The following ZNF638 variants were observed in gnomAD, a reference collection of about 807,000 sequenced individuals.
The protein encoded by ZNF638 is CTCL tumor antigen se33-1.
In ZNF638, 46 loss-of-function variants were observed where a neutral mutation model predicts 195.6. The observed-to-expected ratio is 0.24, with a 90% confidence interval of 0.19 to 0.30. The LOEUF (loss-of-function observed/expected upper bound fraction) is 0.30, where lower values mean the gene tolerates loss of function less well. Among genes scored for constraint, ZNF638 ranks in the 10% least tolerant of loss-of-function variants. The pLI is 1.00. For synonymous variants in ZNF638, 845 were observed against 772.0 expected (o/e 1.09, Z -1.57); for missense variants, 2,440 against 2,325.3 (o/e 1.05, Z -1.01).
In ZNF638 at chr2:71,426,662, T is replaced by C. The variant is rs1438979570; in HGVS notation, c.4793T>C (p.Phe1598Ser). 3 of 1,614,226 alleles carry C rather than the reference T, an allele frequency of 1.9e-6. No individual in the cohort carries two copies. Among genetic ancestry groups the C allele is most frequent in the South Asian group, 1.1e-5 (1 of 91,086 alleles). Residue 1598 changes from phenylalanine to serine, a missense_variant, in exon 24 of 28, where the codon TTT (phenylalanine) becomes TCT (serine). Physicochemically the swap from Phe to Ser is radical, Grantham distance 155. Transcript: ENST00000264447. ...CGTGGTGTTGAGGGAGAACTATCTT[T>C]TGTGACATTGGATGAGATTGGGGAA... ...TPRGVEGELS[F>S]VTLDEIGEEE...
At chr2:71,359,979 T>C (rs969599765) in intron 3 of ZNF638, among the ~76,000 whole-genome samples, 10 of 152,180 alleles carry the variant, frequency 6.6e-5, no homozygotes, top group Non-Finnish European at 1.0e-4. Flanking sequence ...TTTACATAAT[T>C]GATTTAGTCT....
intron 1 of ZNF638, among the ~76,000 whole-genome samples, chr2:71,340,822 G>A (rs2078751108): frequency 1.3e-5 from 2 of 152,268 alleles, no homozygotes; most frequent in African/African-American, 2.4e-5. Flanking sequence ...CTTCCTAGCT[G>A]TGTTTTACTT....
chr2:71,427,582 T>G (rs2080565184), intron 24 of ZNF638, among the ~76,000 whole-genome samples, 168 bp downstream of exon 24: 1 of 152,300 alleles, frequency 6.6e-6, no homozygotes, highest in Non-Finnish European at 1.5e-5. Context: ...GTGTACAAGT[T>G]TCACAGTTTT....
chr2:71,351,577 T>C (rs1296969056), intron 2 of ZNF638, among the ~76,000 whole-genome samples: 2 of 152,206 alleles, frequency 1.3e-5, no homozygotes, highest in African/African-American at 2.4e-5. Context: ...TTTTGAACTT[T>C]TAATTAATCA....
In ZNF638 at chr2:71,402,616, A is replaced by T. The variant is rs116597322; in HGVS notation, c.2829+529A>T. Among the ~76,000 whole-genome samples, 889 of 152,244 alleles carry T rather than the reference A, an allele frequency of 5.8e-3. 12 individuals are homozygous for T. Among genetic ancestry groups the T allele is most frequent in the African/African-American group, 0.019 (778 of 41,562 alleles). ...AACCATTTTCAGACTCAGACTAATG[A>T]TGTCATCAATACTTAAAACAATCTA... On this transcript the variant is annotated intron_variant, in intron 16 of 27. Transcript: ENST00000264447.
chr2:71,333,284 T>C (rs1279365960), intron 1 of ZNF638, among the ~76,000 whole-genome samples: 1 of 152,242 alleles, frequency 6.6e-6, no homozygotes, highest in African/African-American at 2.4e-5. Flanking sequence ...CAGCATGTTA[T>C]ACATTAAAAT....
chr2:71,408,025 T>A, intron 19 of ZNF638, 97 bp from the exon 20 acceptor site: 1 of 1,114,586 alleles, frequency 9.0e-7, no homozygotes, highest in Non-Finnish European at 1.3e-6. Context: ...TCATTCCTTT[T>A]AGGTGTATAC....
chr2:71,393,108 G>A (rs1184639224), intron 10 of ZNF638, among the ~76,000 whole-genome samples: 1 of 152,108 alleles, frequency 6.6e-6, no homozygotes, highest in Non-Finnish European at 1.5e-5. Flanking sequence ...ATAACTGACA[G>A]GCCATAGTAG....
intron 26 of ZNF638, among the ~76,000 whole-genome samples, chr2:71,432,674 T>C (rs1440095735): frequency 6.6e-6 from 1 of 150,480 alleles, no homozygotes; most frequent in Non-Finnish European, 1.5e-5. Flanking sequence ...ATAGAATGTG[T>C]TAACGAAATA....
chr2:71,348,435 C>T (rs1037882151), intron 1 of ZNF638: 6 of 1,013,026 alleles, frequency 5.9e-6, no homozygotes, highest in Admixed American at 5.3e-5. Context: ...AGTATTACAG[C>T]GTGAAATAAA....
At chr2:71,395,302 G>C (rs968470903) in intron 10 of ZNF638, 41 of 717,054 alleles carry the variant, frequency 5.7e-5, no homozygotes, top group Non-Finnish European at 9.9e-5. Flanking sequence ...CTGCTGCTGT[G>C]CACATCTGTA....
chr2:71,343,116 T>C (rs1372140969), intron 1 of ZNF638, among the ~76,000 whole-genome samples: 1 of 152,234 alleles, frequency 6.6e-6, no homozygotes, highest in African/African-American at 2.4e-5. Flanking sequence ...AATTCAAGCA[T>C]TTCTGTCTTC....
intron 21 of ZNF638, among the ~76,000 whole-genome samples, chr2:71,422,580 C>T (rs573727097): frequency 8.3e-4 from 126 of 152,198 alleles, no homozygotes; most frequent in African/African-American, 2.9e-3. Context: ...ATCACATGAG[C>T]GCAAAAGGAA....
intron 20 of ZNF638, among the ~76,000 whole-genome samples, chr2:71,411,327 G>A (rs911490298): frequency 5.3e-5 from 8 of 150,920 alleles, no homozygotes; most frequent in Non-Finnish European, 1.0e-4. Flanking sequence ...ATTATTTTTT[G>A]ATTTATTTCC....
intron 21 of ZNF638, 84 bp downstream of exon 21, chr2:71,418,723 AT>A: frequency 1.0e-6 from 1 of 984,346 alleles, no homozygotes; most frequent in Non-Finnish European, 1.4e-6. Flanking sequence ...AATGGCTCAC[AT>A]GTAGTGAAAA....
intron 23 of ZNF638, among the ~76,000 whole-genome samples, chr2:71,425,026 G>GA (rs1264760494): frequency 6.6e-6 from 1 of 152,018 alleles, no homozygotes; most frequent in South Asian, 2.1e-4. Context: ...TGTAGACACA[G>GA]AAAAAAAATT....
chr2:71,385,018 G>A (rs1573091720), intron 10 of ZNF638, among the ~76,000 whole-genome samples: 1 of 152,108 alleles, frequency 6.6e-6, no homozygotes, highest in African/African-American at 2.4e-5. Flanking sequence ...TTCAGGAGAA[G>A]GGAAAGCTTC....
chr2:71,359,974 A>G (rs1022528167), intron 3 of ZNF638, among the ~76,000 whole-genome samples: 18 of 152,204 alleles, frequency 1.2e-4, no homozygotes, highest in African/African-American at 3.6e-4. Context: ...AGTGCTTTAC[A>G]TAATTGATTT....
chr2:71,411,295 GC>G (rs1244722483), intron 20 of ZNF638, among the ~76,000 whole-genome samples: 15 of 151,250 alleles, frequency 9.9e-5, no homozygotes, highest in Admixed American at 8.6e-4. Flanking sequence ...ACCATGCCTG[GC>G]CCCAGGGAAG....
Sources: allele counts gnomAD v4.1 joint callset (sites outside exome capture counted in the v4.1 genomes callset), GRCh38; gene constraint gnomAD v4.1.1; transcripts MANE v1.5; gene names NCBI Gene and HGNC (gene_info 2026-07-23, HGNC 2026-07-21).